The following SORCS3 variants were observed in gnomAD, a reference collection of about 807,000 sequenced individuals.
SORCS3 encodes VPS10 domain-containing receptor SorCS3.
A neutral mutation model predicts 146.3 loss-of-function variants in SORCS3; 57 were observed. That is an observed-to-expected ratio of 0.39 (90% CI 0.31 to 0.49). The LOEUF is 0.49. Ranked by LOEUF, SORCS3 falls within the 20% of genes least tolerant of loss-of-function variation. The pLI is 0.92. For missense variants in SORCS3, 1,341 were observed against 1,575.5 expected, an observed-to-expected ratio of 0.85 and a Z score of 2.52; for synonymous variants, 653 against 618.5, an observed-to-expected ratio of 1.06 and a Z score of -0.83.
intron 2 of SORCS3, among the ~76,000 whole-genome samples, chr10:104,873,487 T>C (rs761241646): frequency 1.1e-4 from 16 of 152,354 alleles, no homozygotes; most frequent in Non-Finnish European, 2.2e-4. Flanking sequence ...AGGACTGTTA[T>C]ACCTGTTGAG....
intron 3 of SORCS3, among the ~76,000 whole-genome samples, chr10:104,937,487 C>T (rs1295839155): frequency 1.3e-5 from 2 of 152,214 alleles, no homozygotes; most frequent in African/African-American, 2.4e-5. Flanking sequence ...AGATAACTAA[C>T]ATAGAATAAG....
At chr10:105,242,989 A>T (rs1337963273) in intron 20 of SORCS3, among the ~76,000 whole-genome samples, 1 of 127,378 alleles carries the variant, frequency 7.9e-6, no homozygotes, top group African/African-American at 3.0e-5. Context: ...TATATATAAT[A>T]TATATTTATA....
At chr10:104,956,030 G>A (rs139159600) in intron 3 of SORCS3, among the ~76,000 whole-genome samples, 1 of 152,062 alleles carries the variant, frequency 6.6e-6, no homozygotes, top group African/African-American at 2.4e-5. Context: ...GGAGTGATAG[G>A]ATTTACGGGT....
chr10:104,919,887 A>T lies in SORCS3; in HGVS notation c.795+3955A>T, dbSNP rs945932811. Among the ~76,000 whole-genome samples the T allele has an allele frequency of 2.0e-5, 3 of 152,220 alleles. No homozygotes were observed. The South Asian group carries it at 6.2e-4, about 32-fold the overall frequency. ...TCGTAACCAGTATATTCAGCTTAGC[A>T]GAAATCCCCCTTCTCCAGCCACTTA... On this transcript the variant is annotated intron_variant, in intron 3 of 26. Coordinates refer to ENST00000369701, the MANE Select transcript of SORCS3 (RefSeq NM_014978.3).
chr10:105,051,125 T>A (rs1451282029), intron 5 of SORCS3, among the ~76,000 whole-genome samples: 4 of 152,186 alleles, frequency 2.6e-5, no homozygotes, highest in Non-Finnish European at 5.9e-5. Context: ...GATTGCATTT[T>A]CTAAGAATAT....
chr10:105,144,777 A>G (rs1209192957), intron 8 of SORCS3, among the ~76,000 whole-genome samples: 3 of 152,116 alleles, frequency 2.0e-5, no homozygotes, highest in East Asian at 3.9e-4. Flanking sequence ...GACATATGCT[A>G]TGGAGCTAAA....
At chr10:105,008,303 C>T (rs2055110163) in intron 4 of SORCS3, among the ~76,000 whole-genome samples, 1 of 149,876 alleles carries the variant, frequency 6.7e-6, no homozygotes, top group East Asian at 1.9e-4. Context: ...ACTTAATGAT[C>T]TGTTCTTGGA....
chr10:105,099,983 A>G (rs1465214870), intron 6 of SORCS3, among the ~76,000 whole-genome samples: 3 of 152,138 alleles, frequency 2.0e-5, no homozygotes, highest in African/African-American at 4.8e-5. Flanking sequence ...AGCCAATACA[A>G]AAGGAATGAA....
At chr10:104,744,932 A>G (rs1386754428) in intron 1 of SORCS3, among the ~76,000 whole-genome samples, 1 of 152,240 alleles carries the variant, frequency 6.6e-6, no homozygotes, top group African/African-American at 2.4e-5. Flanking sequence ...TTAGAATGCA[A>G]TTGATATATG....
At chr10:104,696,581 A>T (rs1191042703) in intron 1 of SORCS3, among the ~76,000 whole-genome samples, 11 of 94,358 alleles carry the variant, frequency 1.2e-4, no homozygotes, top group East Asian at 5.4e-4. Context: ...ATAATATATA[A>T]TATATATTAT....
chr10:104,696,729 A>ATATACGT (rs2016219562), intron 1 of SORCS3, among the ~76,000 whole-genome samples: 2 of 77,830 alleles, frequency 2.6e-5, no homozygotes, highest in African/African-American at 1.0e-4. Flanking sequence ...TAACATATAT[A>ATATACGT]ATATATAATA....
chr10:104,731,884 G>A (rs1266769816), intron 1 of SORCS3, among the ~76,000 whole-genome samples: 1 of 152,322 alleles, frequency 6.6e-6, no homozygotes, highest in South Asian at 2.1e-4. Context: ...TCATGGTGGT[G>A]ACATTGATCC....
intron 4 of SORCS3, among the ~76,000 whole-genome samples, chr10:104,996,438 C>T (rs987266891): frequency 1.3e-5 from 2 of 151,972 alleles, no homozygotes; most frequent in Non-Finnish European, 2.9e-5. Flanking sequence ...AGGTTTATTC[C>T]TAAACATTGC....
chr10:104,830,246 G>A (rs770985810), intron 1 of SORCS3, among the ~76,000 whole-genome samples: 3 of 152,000 alleles, frequency 2.0e-5, no homozygotes, highest in Non-Finnish European at 4.4e-5. Flanking sequence ...TCTTTTTTAC[G>A]GCTGCATAGT....
chr10:105,143,141 A>T (rs139872889), intron 8 of SORCS3, among the ~76,000 whole-genome samples: 75 of 152,314 alleles, frequency 4.9e-4, no homozygotes, highest in African/African-American at 1.8e-3. Context: ...GGCCACCTGC[A>T]TGCCAAATCA....
chr10:105,117,464 A>G lies in SORCS3; in HGVS notation c.1212+11949A>G, dbSNP rs192891197. 4.6e-5 allele frequency among the ~76,000 whole-genome samples: 7 copies of G among 152,268 alleles called. No individual in the cohort carries two copies. The East Asian group carries it at 1.2e-3, about 25-fold the overall frequency. ...CCATATAAATGAGATTCCTCAATCT[A>G]AACATCCATTTCCATCCCTCTTCTC... On this transcript the variant is annotated intron_variant, in intron 7 of 26. Transcript: ENST00000369701.
chr10:105,039,824 A>G (rs1418401631), intron 4 of SORCS3, among the ~76,000 whole-genome samples: 1 of 152,126 alleles, frequency 6.6e-6, no homozygotes, highest in Non-Finnish European at 1.5e-5. Flanking sequence ...GTGACCCAGC[A>G]AGAGCTCTGC....
Position 104,924,583 on chromosome 10 carries a change from A to G in SORCS3, c.795+8651A>G, listed in dbSNP as rs554598147. On this transcript the variant is annotated intron_variant, in intron 3 of 26. Transcript: ENST00000369701. ...AAACTGCCCAGAATGGTTGAGCAGC[A>G]TGACAAAGGCCAAATGGCTTGATAA... Among the ~76,000 whole-genome samples, 264 of 152,340 alleles carry G rather than the reference A, an allele frequency of 1.7e-3. 2 individuals are homozygous for G. The highest frequency in any genetic ancestry group is 3.3e-3 in the Non-Finnish European group (226 of 68,024).
intron 16 of SORCS3, among the ~76,000 whole-genome samples, chr10:105,203,012 GC>G (rs1465716470): frequency 6.6e-6 from 1 of 152,162 alleles, no homozygotes; most frequent in African/African-American, 2.4e-5. Flanking sequence ...CAGAGCAGCT[GC>G]CCCTGAATGG....
Sources: gnomAD v4.1 joint callset for allele counts (sites outside exome capture counted in the v4.1 genomes callset) on GRCh38, gnomAD v4.1.1 for gene constraint, MANE v1.5 for transcripts, NCBI Gene and HGNC (gene_info 2026-07-23, HGNC 2026-07-21) for gene names.